ACAP2: variants seen among roughly 807,000 people sequenced by gnomAD.
ACAP2 encodes ArfGAP with coiled-coil, ankyrin repeat and PH domains 2.
A neutral mutation model predicts 115.8 loss-of-function variants in ACAP2; 39 were observed. The ratio of observed to expected loss-of-function variants is 0.34; its 90% CI spans 0.26 to 0.44. The LOEUF is 0.44. Ranked by LOEUF, ACAP2 falls within the 20% of genes least tolerant of loss-of-function variation. The pLI is 1.00. For synonymous variants in ACAP2, 289 were observed against 315.8 expected, an observed-to-expected ratio of 0.92 and a Z score of 0.90; for missense variants, 662 against 927.6, an observed-to-expected ratio of 0.71 and a Z score of 3.72.
intron 8 of ACAP2, among the ~76,000 whole-genome samples, chr3:195,330,746 CATT>C (rs1324622183): frequency 4.6e-5 from 7 of 152,180 alleles, no homozygotes; most frequent in Admixed American, 6.5e-5. Context: ...GGCTACCTGG[CATT>C]AACGTTAATT....
chr3:195,434,930 T>G (rs1715417667), intron 1 of ACAP2, among the ~76,000 whole-genome samples: 1 of 152,070 alleles, frequency 6.6e-6, no homozygotes, highest in African/African-American at 2.4e-5. Context: ...TGTGCCCTCT[T>G]TCACTCTTGA....
chr3:195,408,902 T>C (rs1429824254), intron 1 of ACAP2, among the ~76,000 whole-genome samples: 3 of 152,174 alleles, frequency 2.0e-5, no homozygotes, highest in African/African-American at 7.2e-5. Flanking sequence ...ATTCTTTTTT[T>C]CATGATAAAA....
chr3:195,371,701 G>T (rs894302150), intron 4 of ACAP2, among the ~76,000 whole-genome samples: 1 of 152,148 alleles, frequency 6.6e-6, no homozygotes, highest in African/African-American at 2.4e-5. Flanking sequence ...CACCCAAGGT[G>T]GAGTGCAGTG....
chr3:195,429,519 C>T lies in ACAP2; in HGVS notation c.53+13276G>A, dbSNP rs189779887. On this transcript the variant is annotated intron_variant, in intron 1 of 22. Transcript: ENST00000326793. ...ATAAGAATCTATTTATAATGTTCAA[C>T]GATAGGCAAAACTAATCTAAAGTTC... is the stretch of plus-strand genomic sequence containing the variant. Among the ~76,000 whole-genome samples, 247 of 151,926 alleles carry T rather than the reference C, an allele frequency of 1.6e-3. 1 individual carries two copies. Among genetic ancestry groups the T allele is most frequent in the South Asian group, 8.3e-3 (40 of 4,816 alleles).
intron 2 of ACAP2, among the ~76,000 whole-genome samples, chr3:195,385,782 GTGTAACTTCCCC>G (rs1387674700): frequency 5.3e-5 from 8 of 152,192 alleles, no homozygotes; most frequent in Non-Finnish European, 1.0e-4. Flanking sequence ...CCAAACAGTT[GTGTAACTTCCCC>G]TGTAGGGTTT....
intron 1 of ACAP2, among the ~76,000 whole-genome samples, chr3:195,399,269 G>A (rs1277910291): frequency 6.6e-6 from 1 of 152,200 alleles, no homozygotes; most frequent in Non-Finnish European, 1.5e-5. Flanking sequence ...CAAGGAGTAT[G>A]AATATAGATG....
At chr3:195,368,695 ATTTTTATTTATCATTGGC>A (rs1026814740) in intron 4 of ACAP2, among the ~76,000 whole-genome samples, 1 of 152,094 alleles carries the variant, frequency 6.6e-6, no homozygotes, top group African/African-American at 2.4e-5. Context: ...TTACTTCTTC[ATTTTTATTTATCATTGGC>A]TTTTGGTGTT....
chr3:195,295,144 G>A (rs778368980), intron 17 of ACAP2: 32 of 1,052,406 alleles, frequency 3.0e-5, no homozygotes, highest in South Asian at 4.0e-5. Context: ...TGGCCACACC[G>A]CACAATGACC....
At chr3:195,356,517 C>T (rs1731982784) in intron 4 of ACAP2, among the ~76,000 whole-genome samples, 2 of 152,124 alleles carry the variant, frequency 1.3e-5, no homozygotes, top group African/African-American at 4.8e-5. Flanking sequence ...TAAGGGAGCG[C>T]TTGTGTCACA....
intron 6 of ACAP2, among the ~76,000 whole-genome samples, chr3:195,339,224 CCTT>C (rs1730714133): frequency 6.6e-6 from 1 of 152,074 alleles, no homozygotes; most frequent in Non-Finnish European, 1.5e-5. Flanking sequence ...CAGCAAGACT[CCTT>C]CTCAAAAAAA....
chr3:195,401,982 T>A (rs1207762989), intron 1 of ACAP2, among the ~76,000 whole-genome samples: 1 of 152,090 alleles, frequency 6.6e-6, no homozygotes, highest in Non-Finnish European at 1.5e-5. Flanking sequence ...GATGGTAAAC[T>A]TCGAACACTG....
intron 10 of ACAP2, among the ~76,000 whole-genome samples, chr3:195,319,245 G>A (rs888638895): frequency 5.3e-5 from 8 of 152,206 alleles, no homozygotes; most frequent in African/African-American, 1.9e-4. Flanking sequence ...GGCAGGGGAG[G>A]AGCCCTCATG....
intron 1 of ACAP2, among the ~76,000 whole-genome samples, chr3:195,411,973 C>T (rs1713301077): frequency 6.7e-6 from 1 of 150,330 alleles, no homozygotes; most frequent in South Asian, 2.1e-4. Context: ...AGGATTATAT[C>T]ATCACTTACC....
intron 10 of ACAP2, among the ~76,000 whole-genome samples, chr3:195,314,374 T>C (rs943003171): frequency 6.6e-6 from 1 of 152,126 alleles, no homozygotes; most frequent in East Asian, 1.9e-4. Flanking sequence ...TTCAAGTGAT[T>C]CTCCTGCCTC....
Position 195,394,124 on chromosome 3 carries a change from AG to A in ACAP2, c.54-1978del, listed in dbSNP as rs112276954. Reference sequence around the variant, plus strand: ...AAGAAGTCCAAACACCATCTCCCCAAGACATGGTCCTCCTGGAACCCCTCAA... The same window carrying A: ...AAGAAGTCCAAACACCATCTCCCCAAACATGGTCCTCCTGGAACCCCTCAA... On this transcript the variant is annotated intron_variant, in intron 1 of 22. Transcript: ENST00000326793. Among the ~76,000 whole-genome samples the A allele has an allele frequency of 2.2e-4, 33 of 152,322 alleles. 1 individual carries two copies. Among genetic ancestry groups the A allele is most frequent in the African/African-American group, 7.9e-4 (33 of 41,584 alleles).
At chr3:195,403,241 C>A (rs1225267165) in intron 1 of ACAP2, among the ~76,000 whole-genome samples, 1 of 152,174 alleles carries the variant, frequency 6.6e-6, no homozygotes, top group Non-Finnish European at 1.5e-5. Flanking sequence ...ACGGCCGAAA[C>A]AGAACCAGAA....
intron 1 of ACAP2, among the ~76,000 whole-genome samples, chr3:195,413,334 CCA>C (rs2108815444): frequency 6.6e-6 from 1 of 152,082 alleles, no homozygotes; most frequent in South Asian, 2.1e-4. Flanking sequence ...CAATGAGAAG[CCA>C]CAGACTGAAA....
intron 10 of ACAP2, among the ~76,000 whole-genome samples, chr3:195,319,938 C>A (rs1729338907): frequency 6.6e-6 from 1 of 152,128 alleles, no homozygotes; most frequent in African/African-American, 2.4e-5. Flanking sequence ...AAATTGTAAT[C>A]CCCACATGTT....
At chr3:195,336,265 T>C (rs2108635984) in intron 7 of ACAP2, 1 of 151,110 alleles carries the variant, frequency 6.6e-6, no homozygotes, top group South Asian at 2.1e-4. Flanking sequence ...AAATTCATTG[T>C]CAAGTGGGTG....
Sources: allele counts gnomAD v4.1 joint callset (sites outside exome capture counted in the v4.1 genomes callset), GRCh38; gene constraint gnomAD v4.1.1; transcripts MANE v1.5; gene names NCBI Gene and HGNC (gene_info 2026-07-23, HGNC 2026-07-21).